The following IGDCC4 variants were observed in gnomAD, a reference collection of about 807,000 sequenced individuals.
IGDCC4 encodes immunoglobulin superfamily DCC subclass member 4, also known as likely ortholog of mouse neighbor of Punc E11.
A neutral mutation model predicts 116.6 loss-of-function variants in IGDCC4; 72 were observed. The ratio of observed to expected loss-of-function variants is 0.62; its 90% CI spans 0.51 to 0.75. The LOEUF (loss-of-function observed/expected upper bound fraction) is 0.75, where lower values mean the gene tolerates loss of function less well. IGDCC4 is among the 30% of genes least tolerant of loss of function. IGDCC4 has a pLI of 0.00. For synonymous variants in IGDCC4, 709 were observed against 719.9 expected (o/e 0.98, Z 0.24); for missense variants, 1,501 against 1,662.4 (o/e 0.90, Z 1.69).
At position 65,395,747 on chromosome 15, in the gene IGDCC4, T is replaced by A; in HGVS notation, c.1411+3A>T. The A allele has an allele frequency of 2.8e-6, 4 of 1,438,604 alleles. No homozygotes were observed. Among genetic ancestry groups the A allele is most frequent in the Non-Finnish European group, 3.7e-6 (4 of 1,089,376 alleles). The allele number at this position is 1,438,604 out of a possible 1,614,324, so 89.1% of individuals were successfully genotyped here. On this transcript the variant is annotated splice_donor_region_variant and intron_variant, in intron 7 of 19. Transcript: ENST00000352385. ...TGGTGCATCCCGCCCCAGGCCGACGTACCCCGTGCCTTCTGGTAGTGGAGA... is the reference window on the plus strand; with the variant it reads ...TGGTGCATCCCGCCCCAGGCCGACGAACCCCGTGCCTTCTGGTAGTGGAGA...
chr15:65,402,562 T>C, intron 3 of IGDCC4, 75 bp from the exon 4 acceptor site: 1 of 1,514,918 alleles, frequency 6.6e-7, no homozygotes, highest in Non-Finnish European at 8.9e-7. Flanking sequence ...GTAAGATAAA[T>C]GCAAATTAAA....
chr15:65,385,822 C>G lies in IGDCC4; in HGVS notation c.3180+9G>C, dbSNP rs750880809. The stretch of plus-strand genomic sequence containing the variant: ...TAGAAAAGAGCCGCAATGTGGGGCT[C>G]TGACTTACCTTTCTTTTGGAGTGAC... On this transcript the variant is annotated intron_variant, in intron 18 of 19. Transcript: ENST00000352385. 2 of 1,608,924 alleles carry G rather than the reference C, an allele frequency of 1.2e-6. No individual in the cohort carries two copies. The highest frequency in any genetic ancestry group is 4.5e-5 in the East Asian group (2 of 44,850).
chr15:65,392,971 T>G (rs1229975974), intron 10 of IGDCC4, among the ~76,000 whole-genome samples: 1 of 152,232 alleles, frequency 6.6e-6, no homozygotes, highest in African/African-American at 2.4e-5. Flanking sequence ...AGAGAGCATG[T>G]AGACCGGTTT....
intron 1 of IGDCC4, among the ~76,000 whole-genome samples, chr15:65,414,672 T>C (rs140697950): frequency 8.7e-4 from 133 of 152,332 alleles, no homozygotes; most frequent in African/African-American, 3.1e-3. Context: ...GCGACAGTTG[T>C]GCTCTGTTGC....
chr15:65,404,671 G>GTGAATGAA (rs58462797), intron 3 of IGDCC4, among the ~76,000 whole-genome samples: 78,164 of 151,104 alleles, frequency 0.52, 22,171 homozygotes, highest in East Asian at 0.76. Context: ...ATGTGATTGA[G>GTGAATGAA]TGAATGAATG....
rs751927410 is a variant in IGDCC4, at chr15:65,393,448, G to T, written c.1798C>A (p.Arg600=). 6.2e-7 allele frequency: 1 copy of T among 1,613,678 alleles called. No homozygotes were observed. The highest frequency in any genetic ancestry group is 8.5e-7 in the Non-Finnish European group (1 of 1,179,796). Residue 600 remains arginine (R), a synonymous_variant, in exon 10 of 20, where the codon CGG becomes AGG. Coordinates refer to ENST00000352385, the MANE Select transcript of IGDCC4 (RefSeq NM_020962.3). This position sits in a 1 kb window ranked among gnomAD's most constrained non-coding sequence, Gnocchi z 4.6. ...SLQPNKVYRV[R]ISAGTAAGFG... is the part of the protein sequence containing the mutation. ...CCGGCTGCTGTACCAGCCGAAATCC[G>T]TACTCGATACACCTTGTTTGGCTGA... is the stretch of plus-strand genomic sequence containing the variant.
intron 1 of IGDCC4, among the ~76,000 whole-genome samples, chr15:65,421,663 GA>G (rs1360949028): frequency 6.6e-6 from 1 of 151,836 alleles, no homozygotes; most frequent in Non-Finnish European, 1.5e-5. Context: ...CAGCTGGAGA[GA>G]AATCCCCCTC....
Position 65,393,482 on chromosome 15 carries a change from C to A in IGDCC4, c.1764G>T (p.Leu588=). ...EVRGNETQLM[L]NSLQPNKVYR... ...ACACCTTGTTTGGCTGAAGCGAGTT[C>A]AGCATAAGCTGTGTCTCATTTCCTC... The change falls in exon 10 of 20, where the codon CTG becomes CTT. Residue 588 remains leucine (L), a synonymous_variant. Transcript: ENST00000352385. The surrounding 1 kb of genome is among the most constrained non-coding windows in gnomAD (Gnocchi z 4.6). 1 of 1,611,602 alleles carries A rather than the reference C, an allele frequency of 6.2e-7. No individual in the cohort carries two copies. Among genetic ancestry groups the A allele is most frequent in the South Asian group, 1.1e-5 (1 of 90,434 alleles).
At chr15:65,400,999 G>A (rs895178740) in intron 4 of IGDCC4, 53 bp from the exon 5 acceptor site, 19 of 1,610,286 alleles carry the variant, frequency 1.2e-5, no homozygotes, top group African/African-American at 5.3e-5. Flanking sequence ...TTTGCCATGC[G>A]ATACCTCACC....
rs189568533 is a variant in IGDCC4 at position 65,403,672 on chromosome 15, C to T, written c.564-1185G>A. On this transcript the variant is annotated intron_variant, in intron 3 of 19. Transcript: ENST00000352385. ...CAAATGTCATATTTGTCCTACCTGCCTGTCTCGGCAGCCATTGGATGGCTG... is the reference window on the plus strand; with the variant it reads ...CAAATGTCATATTTGTCCTACCTGCTTGTCTCGGCAGCCATTGGATGGCTG... Among the ~76,000 whole-genome samples, 125 of 152,266 alleles carry T rather than the reference C, an allele frequency of 8.2e-4. 1 individual carries two copies. Among genetic ancestry groups the T allele is most frequent in the Non-Finnish European group, 3.8e-4 (26 of 68,026 alleles).
rs115076941 is a variant in IGDCC4 at position 65,388,487 on chromosome 15, C to T, written c.2807G>A (p.Arg936His). The T allele has an allele frequency of 1.4e-4, 221 of 1,614,106 alleles. 1 individual carries two copies. In the African/African-American group the frequency reaches 2.4e-3, roughly 18 times the overall value. The stretch of plus-strand genomic sequence containing the variant: ...CTGGAGCGTGATCACATCCTGCAGG[C>T]GGGAGAAAGGCCCAGGTCCCACCTC... ...RTEVGPGPFSRLQDVITLQEK... is the reference protein window; with the variant it reads ...RTEVGPGPFSHLQDVITLQEK... Residue 936 changes from arginine (R) to histidine (H), a missense_variant, in exon 16 of 20, where the codon CGC (arginine) becomes CAC (histidine). This residue lies in a region of IGDCC4 where 235 missense variants were observed against 328.0 expected (regional missense o/e 0.72). Coordinates refer to ENST00000352385, the MANE Select transcript of IGDCC4 (RefSeq NM_020962.3).
At chr15:65,396,343 T>G in intron 6 of IGDCC4, 180 bp from the exon 7 acceptor site, 1 of 718,530 alleles carries the variant, frequency 1.4e-6, no homozygotes, top group Non-Finnish European at 2.4e-6. Context: ...CCCTTTCTTC[T>G]CCCCATTTAC....
intron 1 of IGDCC4, among the ~76,000 whole-genome samples, chr15:65,413,963 G>A (rs887709195): frequency 1.1e-4 from 17 of 152,190 alleles, no homozygotes; most frequent in Admixed American, 2.6e-4. Flanking sequence ...GATTATTCAC[G>A]ACATGGACAC....
At chr15:65,385,223 C>G (rs936891725) in intron 18 of IGDCC4, 108 bp from the exon 19 acceptor site, 8 of 1,125,186 alleles carry the variant, frequency 7.1e-6, no homozygotes, top group Non-Finnish European at 8.6e-6. Flanking sequence ...AGGGTCCAGA[C>G]TGTCACCCGC....
intron 9 of IGDCC4, among the ~76,000 whole-genome samples, chr15:65,394,064 G>A (rs1441530207): frequency 2.0e-5 from 3 of 151,954 alleles, no homozygotes; most frequent in Admixed American, 6.6e-5. Context: ...ACAATGGCAC[G>A]ATCACAGTTC....
At chr15:65,406,590 C>T (rs1166575408) in intron 3 of IGDCC4, among the ~76,000 whole-genome samples, 1 of 152,208 alleles carries the variant, frequency 6.6e-6, no homozygotes, top group Non-Finnish European at 1.5e-5. Flanking sequence ...CATACGGTCT[C>T]CTTCAAACCA....
chr15:65,402,822 G>A (rs944649131), intron 3 of IGDCC4, among the ~76,000 whole-genome samples: 9 of 152,084 alleles, frequency 5.9e-5, no homozygotes, highest in African/African-American at 1.2e-4. Flanking sequence ...AGCCAAGATT[G>A]CACCATTGCA....
intron 16 of IGDCC4, 62 bp downstream of exon 16, chr15:65,388,387 G>T: frequency 6.2e-7 from 1 of 1,606,022 alleles, no homozygotes; most frequent in East Asian, 2.2e-5. Context: ...AATTGTAGTT[G>T]TGTCCACAGG....
intron 4 of IGDCC4, among the ~76,000 whole-genome samples, chr15:65,401,736 T>C (rs1036029943): frequency 2.6e-5 from 4 of 152,182 alleles, no homozygotes; most frequent in African/African-American, 9.7e-5. Flanking sequence ...TCAAGGACTC[T>C]TCGAGCCTCT....
Sources: allele counts gnomAD v4.1 joint callset (sites outside exome capture counted in the v4.1 genomes callset), GRCh38; gene constraint gnomAD v4.1.1; regional missense constraint gnomAD v4.1.1; non-coding constraint Gnocchi (gnomAD v3.1); transcripts MANE v1.5; gene names NCBI Gene and HGNC (gene_info 2026-07-23, HGNC 2026-07-21).